VWC2L: variants seen among roughly 807,000 people sequenced by gnomAD.
VWC2L encodes the protein von Willebrand factor C domain containing 2 like, also known as von Willebrand factor C domain-containing protein 2-like.
In VWC2L, 10 loss-of-function variants were observed where a neutral mutation model predicts 21.6. The ratio of observed to expected loss-of-function variants is 0.46; its 90% CI spans 0.29 to 0.78. The LOEUF is 0.78. Ranked by LOEUF, VWC2L falls within the 30% of genes least tolerant of loss-of-function variation. The pLI is 0.10. For synonymous variants in VWC2L, 96 were observed against 94.3 expected (o/e 1.02, Z -0.10); for missense variants, 209 against 277.1 (o/e 0.75, Z 1.74).
chr2:214,510,386 G>A (rs935837737), intron 3 of VWC2L, among the ~76,000 whole-genome samples: 5 of 152,030 alleles, frequency 3.3e-5, no homozygotes, highest in Admixed American at 6.5e-5. Context: ...ATTTGGAGCC[G>A]CTTTCTGTTA....
chr2:214,509,539 G>A (rs1313289234), intron 3 of VWC2L, among the ~76,000 whole-genome samples: 1 of 152,118 alleles, frequency 6.6e-6, no homozygotes. Flanking sequence ...GGATATCGTA[G>A]ATTTGGATGG....
chr2:214,459,994 G>A (rs371396531), intron 3 of VWC2L, among the ~76,000 whole-genome samples: 12 of 134,476 alleles, frequency 8.9e-5, no homozygotes, highest in African/African-American at 2.0e-4. Context: ...TGCAACGTCC[G>A]TCTCCCAGGT....
intron 3 of VWC2L, among the ~76,000 whole-genome samples, chr2:214,440,991 G>A (rs1374981359): frequency 3.9e-5 from 6 of 152,004 alleles, no homozygotes; most frequent in African/African-American, 9.7e-5. Context: ...AAGACAGAAC[G>A]CTCCCACAAA....
In VWC2L at chr2:214,578,450, G is replaced by T. The variant is rs912801689; in HGVS notation, c.*2630G>T. The T allele has an allele frequency of 6.6e-6, 1 of 152,174 alleles. No homozygotes were observed. Among genetic ancestry groups the T allele is most frequent in the Non-Finnish European group, 1.5e-5 (1 of 68,022 alleles). 9.4% of individuals were successfully genotyped at this position (152,174 alleles called of 1,614,324 possible). ...AGGGATTTTTATGGTTGGTTTTGTT[G>T]TTGTTGGATTTTCTTTTTCTCAAAG... On this transcript the variant is annotated 3_prime_UTR_variant, in exon 4 of 4. Coordinates refer to ENST00000312504, the MANE Select transcript of VWC2L (RefSeq NM_001080500.4).
intron 3 of VWC2L, among the ~76,000 whole-genome samples, chr2:214,561,268 G>A (rs371374294): frequency 7.2e-5 from 11 of 152,084 alleles, no homozygotes; most frequent in South Asian, 4.1e-4. Context: ...AACTCCTATC[G>A]TAAAGAGATG....
chr2:214,552,078 C>T (rs1048348683), intron 3 of VWC2L, among the ~76,000 whole-genome samples: 4 of 152,210 alleles, frequency 2.6e-5, no homozygotes, highest in African/African-American at 9.7e-5. Flanking sequence ...CTAACAAGCT[C>T]TCTTGGAAGG....
intron 3 of VWC2L, among the ~76,000 whole-genome samples, chr2:214,509,526 C>G (rs1371684103): frequency 6.6e-6 from 1 of 152,008 alleles, no homozygotes; most frequent in East Asian, 1.9e-4. Context: ...AGCCTTGACT[C>G]CCGGATATCG....
chr2:214,493,018 T>C (rs758248507), intron 3 of VWC2L, among the ~76,000 whole-genome samples: 39 of 152,176 alleles, frequency 2.6e-4, no homozygotes, highest in Non-Finnish European at 1.5e-5. Flanking sequence ...AGGGAGAAGA[T>C]GACAAATAAT....
intron 1 of VWC2L, among the ~76,000 whole-genome samples, chr2:214,413,663 G>T (rs1011672451): frequency 6.6e-6 from 1 of 152,098 alleles, no homozygotes; most frequent in African/African-American, 2.4e-5. Flanking sequence ...CTTTCCTTTA[G>T]AATTAGATTT....
chr2:214,537,604 G>T (rs1689556241), intron 3 of VWC2L, among the ~76,000 whole-genome samples: 2 of 151,930 alleles, frequency 1.3e-5, no homozygotes, highest in African/African-American at 2.4e-5. Context: ...CAAAGTTAAA[G>T]TTAGACAGGA....
intron 3 of VWC2L, among the ~76,000 whole-genome samples, chr2:214,526,292 A>G (rs1466383650): frequency 6.6e-6 from 1 of 152,144 alleles, no homozygotes; most frequent in Admixed American, 6.6e-5. Context: ...AGAGTTACTT[A>G]CATTTCCATG....
chr2:214,416,906 C>A (rs984847213), intron 2 of VWC2L, among the ~76,000 whole-genome samples: 2 of 152,110 alleles, frequency 1.3e-5, no homozygotes, highest in Non-Finnish European at 2.9e-5. Flanking sequence ...TCCTTCTTAA[C>A]TCTAATATCC....
At chr2:214,550,598 G>C (rs1378542667) in intron 3 of VWC2L, among the ~76,000 whole-genome samples, 1 of 152,124 alleles carries the variant, frequency 6.6e-6, no homozygotes, top group African/African-American at 2.4e-5. Context: ...CTAGGAATGA[G>C]CTAGAAGTGT....
At chr2:214,435,282 A>C (rs540882413) in intron 2 of VWC2L, among the ~76,000 whole-genome samples, 4 of 152,194 alleles carry the variant, frequency 2.6e-5, no homozygotes, top group South Asian at 2.1e-4. Flanking sequence ...TGAAATGTTT[A>C]AACACAACTC....
Position 214,436,535 on chromosome 2 carries a change from A to G in VWC2L, c.391-94A>G. 4 of 1,465,922 alleles carry G rather than the reference A, an allele frequency of 2.7e-6. 1 individual carries two copies. In the South Asian group the frequency reaches 5.1e-5, roughly 19 times the overall value. 90.8% of individuals were successfully genotyped at this position (1,465,922 alleles called of 1,614,324 possible). A position where few individuals can be genotyped will look rare whatever the true frequency, so the allele number is the denominator to read the frequency against. On this transcript the variant is annotated intron_variant, in intron 2 of 3. Transcript: ENST00000312504. The stretch of plus-strand genomic sequence containing the variant: ...ATGGAATTAATACAGTAAAGCCAAT[A>G]TAATAAGCACTGATGTTTTGTCTTC...
At chr2:214,536,453 A>G (rs945940176) in intron 3 of VWC2L, among the ~76,000 whole-genome samples, 2 of 152,118 alleles carry the variant, frequency 1.3e-5, no homozygotes, top group Non-Finnish European at 2.9e-5. Context: ...ACTACTGGTC[A>G]GCACTTACTT....
At chr2:214,573,008 A>C (rs1274825393) in intron 3 of VWC2L, among the ~76,000 whole-genome samples, 4 of 152,200 alleles carry the variant, frequency 2.6e-5, no homozygotes, top group African/African-American at 9.6e-5. Flanking sequence ...ATGACTCTTA[A>C]GAAATGGTGT....
At chr2:214,472,852 G>A (rs1036559011) in intron 3 of VWC2L, among the ~76,000 whole-genome samples, 2 of 152,270 alleles carry the variant, frequency 1.3e-5, no homozygotes, top group East Asian at 3.9e-4. Context: ...CTGATGGCAG[G>A]CTTGTCATTT....
chr2:214,572,637 GGAA>G (rs1440359434), intron 3 of VWC2L, among the ~76,000 whole-genome samples: 1 of 152,146 alleles, frequency 6.6e-6, no homozygotes, highest in African/African-American at 2.4e-5. Flanking sequence ...CCACTATTAA[GGAA>G]GAAGGGCTAA....
Sources: gnomAD v4.1 joint callset for allele counts (sites outside exome capture counted in the v4.1 genomes callset) on GRCh38, gnomAD v4.1.1 for gene constraint, MANE v1.5 for transcripts, NCBI Gene and HGNC (gene_info 2026-07-23, HGNC 2026-07-21) for gene names.